The following OPHN1 variants were observed in gnomAD, a reference collection of about 807,000 sequenced individuals.
OPHN1 encodes the protein oligophrenin-1.
A neutral mutation model predicts 60.7 loss-of-function variants in OPHN1; 11 were observed. The ratio of observed to expected loss-of-function variants is 0.18; its 90% CI spans 0.11 to 0.30. OPHN1 has a LOEUF of 0.30. OPHN1 is among the 10% of genes least tolerant of loss of function. The pLI is 1.00. For synonymous variants in OPHN1, 226 were observed against 222.6 expected (o/e 1.02, Z -0.14); for missense variants, 449 against 611.0 (o/e 0.73, Z 2.80).
chrX:68,181,571 T>G (rs1318438860), intron 15 of OPHN1, among the ~76,000 whole-genome samples: 1 of 111,423 alleles, frequency 9.0e-6, no homozygotes, highest in Non-Finnish European at 1.9e-5. Flanking sequence ...ACGCCTGTAA[T>G]CCGAGCACTT....
chrX:68,253,076 A>C (rs1342648774), intron 5 of OPHN1, among the ~76,000 whole-genome samples: 1 of 111,771 alleles, frequency 8.9e-6, no homozygotes, highest in African/African-American at 3.2e-5. Flanking sequence ...ATATTAACTA[A>C]GTTGTCTGGA....
chrX:68,128,213 C>A (rs1250232954), intron 15 of OPHN1, among the ~76,000 whole-genome samples: 1 of 109,870 alleles, frequency 9.1e-6, no homozygotes, highest in African/African-American at 3.3e-5. Flanking sequence ...CCATGCCCAG[C>A]AATTTTTGTA....
intron 2 of OPHN1, among the ~76,000 whole-genome samples, chrX:68,312,252 A>ATTTTTTTT (rs1238021221): frequency 2.9e-5 from 2 of 69,828 alleles, no homozygotes; most frequent in African/African-American, 6.7e-5. Flanking sequence ...GGCTCGGCTA[A>ATTTTTTTT]TTTTTTTTTT....
intron 6 of OPHN1, among the ~76,000 whole-genome samples, chrX:68,224,647 AT>A (rs1206207994): frequency 1.8e-5 from 2 of 112,723 alleles, no homozygotes; most frequent in African/African-American, 6.4e-5. Flanking sequence ...AAGATCTCTT[AT>A]TAATAATGTA....
chrX:68,264,153 C>G (rs2077909459), intron 5 of OPHN1, among the ~76,000 whole-genome samples: 1 of 111,394 alleles, frequency 9.0e-6, no homozygotes, highest in African/African-American at 3.3e-5. Flanking sequence ...CATAAAAACC[C>G]TAGAAGAAAA....
chrX:68,128,352 G>T, intron 15 of OPHN1, among the ~76,000 whole-genome samples: 1 of 111,601 alleles, frequency 9.0e-6, no homozygotes, highest in South Asian at 3.8e-4. Flanking sequence ...ACCATGCTTA[G>T]ACCTATTGAT....
At chrX:68,363,526 G>A (rs1435637734) in intron 2 of OPHN1, among the ~76,000 whole-genome samples, 1 of 110,124 alleles carries the variant, frequency 9.1e-6, no homozygotes, top group South Asian at 3.9e-4. Flanking sequence ...TGGCCAGGCT[G>A]GTCTCAAACT....
chrX:68,351,999 C>T (rs2078415395), intron 2 of OPHN1, among the ~76,000 whole-genome samples: 1 of 107,854 alleles, frequency 9.3e-6, no homozygotes. Context: ...GCCTCAGCCT[C>T]CCAAGTAGCT....
At chrX:68,395,950 T>G (rs1021005496) in intron 2 of OPHN1, among the ~76,000 whole-genome samples, 6 of 111,202 alleles carry the variant, frequency 5.4e-5, no homozygotes, top group African/African-American at 2.0e-4. Context: ...CCATTATATA[T>G]TCTGATTGTT....
rs2076834256 is a variant in OPHN1 at position 68,046,933 on chromosome X, T to C, written c.*239A>G. ...GGGAGTCCAGCTCTTCACAGTGTTA[T>C]AGGAACTCAAAACAGACCTTCTGAG... On this transcript the variant is annotated 3_prime_UTR_variant, in exon 25 of 25. Transcript: ENST00000355520. 1.8e-5 allele frequency: 2 copies of C among 111,333 alleles called. No individual in the cohort carries two copies. Among genetic ancestry groups the C allele is most frequent in the Non-Finnish European group, 3.8e-5 (2 of 53,079 alleles). The allele number at this position is 111,333 out of a possible 1,213,427, so 9.2% of individuals were successfully genotyped here. A position where few individuals can be genotyped will look rare whatever the true frequency, so the allele number is the denominator to read the frequency against.
intron 2 of OPHN1, among the ~76,000 whole-genome samples, chrX:68,425,467 G>T (rs999197561): frequency 2.1e-4 from 24 of 111,780 alleles, no homozygotes; most frequent in African/African-American, 7.8e-4. Flanking sequence ...AACTGAGACC[G>T]ACAAAACTAA....
At chrX:68,206,083 C>T (rs1259289032) in intron 10 of OPHN1, among the ~76,000 whole-genome samples, 2 of 107,641 alleles carry the variant, frequency 1.9e-5, no homozygotes, top group Non-Finnish European at 3.8e-5. Context: ...TTGTCATTTT[C>T]AGGAGTGAGA....
At chrX:68,395,568 C>T (rs1352662816) in intron 2 of OPHN1, among the ~76,000 whole-genome samples, 11 of 110,487 alleles carry the variant, frequency 1.0e-4, no homozygotes, top group African/African-American at 3.6e-4. Flanking sequence ...CTGCCTCAGC[C>T]TCCCAAGTAG....
chrX:68,079,193 T>C (rs937939305), intron 19 of OPHN1, among the ~76,000 whole-genome samples: 1 of 110,374 alleles, frequency 9.1e-6, no homozygotes, highest in Non-Finnish European at 1.9e-5. Context: ...ATCATTCATC[T>C]CCTTTCTTAC....
intron 15 of OPHN1, among the ~76,000 whole-genome samples, chrX:68,183,511 C>A (rs751689462): frequency 8.0e-5 from 9 of 112,047 alleles, no homozygotes; most frequent in Non-Finnish European, 1.7e-4. Context: ...CCACTAAAGA[C>A]AACTTTAGAC....
intron 18 of OPHN1, among the ~76,000 whole-genome samples, chrX:68,104,938 T>C (rs1035826733): frequency 2.7e-5 from 3 of 111,736 alleles, no homozygotes; most frequent in African/African-American, 9.8e-5. Context: ...ATCCAGAATC[T>C]ACAAGGAACT....
intron 2 of OPHN1, among the ~76,000 whole-genome samples, chrX:68,411,519 A>G (rs1418344012): frequency 8.9e-6 from 1 of 112,305 alleles, no homozygotes; most frequent in Non-Finnish European, 1.9e-5. Context: ...TCTAATAATC[A>G]GCGATGCTGA....
intron 6 of OPHN1, among the ~76,000 whole-genome samples, chrX:68,217,241 C>T (rs1489772116): frequency 8.9e-6 from 1 of 112,134 alleles, no homozygotes; most frequent in Non-Finnish European, 1.9e-5. Context: ...AACGGAGCAC[C>T]ACGAGATTAT....
At chrX:68,281,183 T>C (rs2078017880) in intron 4 of OPHN1, among the ~76,000 whole-genome samples, 1 of 112,023 alleles carries the variant, frequency 8.9e-6, no homozygotes, top group Non-Finnish European at 1.9e-5. Context: ...ACTACCATGC[T>C]AAAGTAATGA....
Sources: allele counts gnomAD v4.1 joint callset (sites outside exome capture counted in the v4.1 genomes callset), GRCh38; gene constraint gnomAD v4.1.1; transcripts MANE v1.5; gene names NCBI Gene and HGNC (gene_info 2026-07-23, HGNC 2026-07-21).